The following S100Z variants were observed in gnomAD, a reference collection of about 807,000 sequenced individuals.
S100Z encodes S100 calcium binding protein Z.
Under a neutral mutation model 8.5 loss-of-function variants are expected in S100Z, and 11 were observed. That is an observed-to-expected ratio of 1.30 (90% CI 0.82 to 2.15). S100Z has a LOEUF of 2.15. Among genes scored for constraint, S100Z ranks in the 30% most tolerant of loss-of-function variants. S100Z has a pLI of 0.00. For missense variants in S100Z, 126 were observed against 117.9 expected (o/e 1.07, Z -0.32); for synonymous variants, 34 against 43.8 (o/e 0.78, Z 0.89).
intron 1 of S100Z, among the ~76,000 whole-genome samples, chr5:76,859,828 C>T (rs1369710377): frequency 2.0e-5 from 3 of 149,296 alleles, no homozygotes; most frequent in Non-Finnish European, 4.5e-5. Context: ...GAGGCGAACT[C>T]CCAACTCCAG....
intron 4 of S100Z, among the ~76,000 whole-genome samples, chr5:76,897,964 T>C (rs1744098818): frequency 6.6e-6 from 1 of 152,202 alleles, no homozygotes; most frequent in Admixed American, 6.5e-5. Context: ...CCAATTTGAA[T>C]GCCCTTTATA....
chr5:76,948,325 CTAAATAAA>C, the S100Z span, among the ~76,000 whole-genome samples: 7 of 147,756 alleles, frequency 4.7e-5, no homozygotes, highest in Non-Finnish European at 1.0e-4. Context: ...GACTCTGTCT[CTAAATAAA>C]TAAATAAATA....
At chr5:76,906,972 G>GTATA (rs1744447479) in intron 4 of S100Z, among the ~76,000 whole-genome samples, 2 of 30,410 alleles carry the variant, frequency 6.6e-5, no homozygotes, top group Admixed American at 4.5e-4. Flanking sequence ...TCCATTGTGT[G>GTATA]TGTGTATATA....
intron 4 of S100Z, among the ~76,000 whole-genome samples, chr5:76,888,569 G>A (rs2150658179): frequency 6.6e-6 from 1 of 151,764 alleles, no homozygotes; most frequent in South Asian, 2.1e-4. Flanking sequence ...GTAGAGACGA[G>A]GTTTCACCGT....
intron 4 of S100Z, among the ~76,000 whole-genome samples, chr5:76,891,772 A>C (rs1188981644): frequency 6.6e-6 from 1 of 152,058 alleles, no homozygotes; most frequent in African/African-American, 2.4e-5. Flanking sequence ...GGTGCAGGGG[A>C]AGAGGAGAGA....
At chr5:76,899,942 A>C (rs1402185172) in intron 4 of S100Z, among the ~76,000 whole-genome samples, 2 of 152,198 alleles carry the variant, frequency 1.3e-5, no homozygotes, top group African/African-American at 4.8e-5. Context: ...GTATTAATGA[A>C]ATCCCCCAGC....
At chr5:76,866,229 C>T (rs1742725525) in intron 1 of S100Z, among the ~76,000 whole-genome samples, 1 of 151,590 alleles carries the variant, frequency 6.6e-6, no homozygotes, top group South Asian at 2.1e-4. Context: ...GGACTACAGG[C>T]ATGCGCCACC....
the S100Z span, among the ~76,000 whole-genome samples, chr5:76,950,189 G>A: frequency 1.3e-5 from 2 of 152,198 alleles, no homozygotes; most frequent in South Asian, 2.1e-4. Context: ...GCATGGATTA[G>A]TGATGTTCTA....
At chr5:76,859,151 T>C (rs1033592066) in intron 1 of S100Z, among the ~76,000 whole-genome samples, 1 of 152,102 alleles carries the variant, frequency 6.6e-6, no homozygotes, top group Admixed American at 6.6e-5. Context: ...TGAAAGATTA[T>C]TAAATTATAG....
At chr5:76,946,572 TA>T in the S100Z span, among the ~76,000 whole-genome samples, 1 of 152,170 alleles carries the variant, frequency 6.6e-6, no homozygotes, top group Non-Finnish European at 1.5e-5. Context: ...CTGTGGCTTT[TA>T]AAGTCTGTTA....
At chr5:76,868,483 A>G (rs1334659482) in intron 1 of S100Z, among the ~76,000 whole-genome samples, 1 of 150,264 alleles carries the variant, frequency 6.7e-6, no homozygotes, top group Non-Finnish European at 1.5e-5. Flanking sequence ...TTCTCCGAGT[A>G]AATTATTTTA....
At chr5:76,900,108 G>A (rs1302093801) in intron 4 of S100Z, among the ~76,000 whole-genome samples, 3 of 152,142 alleles carry the variant, frequency 2.0e-5, no homozygotes, top group Non-Finnish European at 2.9e-5. Context: ...GCTGTCAGAT[G>A]TATTGGAGCT....
At chr5:76,866,590 T>C (rs1742741595) in intron 1 of S100Z, among the ~76,000 whole-genome samples, 1 of 152,214 alleles carries the variant, frequency 6.6e-6, no homozygotes, top group South Asian at 2.1e-4. Context: ...TTATCTTTTA[T>C]ACATATTTTT....
intron 4 of S100Z, among the ~76,000 whole-genome samples, chr5:76,901,182 C>T (rs1412339114): frequency 6.6e-6 from 1 of 152,210 alleles, no homozygotes; most frequent in Non-Finnish European, 1.5e-5. Context: ...AACCTGAAGC[C>T]AGCATAGCAC....
At chr5:76,859,877 C>T (rs1004467615) in intron 1 of S100Z, among the ~76,000 whole-genome samples, 3 of 152,008 alleles carry the variant, frequency 2.0e-5, no homozygotes, top group Non-Finnish European at 2.9e-5. Context: ...CACAATTAGC[C>T]TCTGCAACTC....
downstream of S100Z, among the ~76,000 whole-genome samples, chr5:76,923,520 T>TG (rs1188782440): frequency 6.6e-6 from 1 of 151,916 alleles, no homozygotes; most frequent in Non-Finnish European, 1.5e-5. Context: ...GCCACCCCAA[T>TG]GGGGGAGGGC....
chr5:76,914,718 G>A (rs530437014), intron 4 of S100Z, among the ~76,000 whole-genome samples: 4 of 151,824 alleles, frequency 2.6e-5, no homozygotes, highest in South Asian at 4.2e-4. Flanking sequence ...CACTCACCGC[G>A]AAGGTCTGCA....
At chr5:76,859,768 C>CAAAAAAAAAAA (rs70982653) in intron 1 of S100Z, among the ~76,000 whole-genome samples, 17,971 of 95,626 alleles carry the variant, frequency 0.19, 1,560 homozygotes, top group South Asian at 0.34. Flanking sequence ...GCAACAGAGC[C>CAAAAAAAAAAA]AAAAAAAAAA....
At chr5:76,869,464 A>C (rs988337686) in intron 1 of S100Z, among the ~76,000 whole-genome samples, 1 of 152,150 alleles carries the variant, frequency 6.6e-6, no homozygotes, top group Admixed American at 6.6e-5. Context: ...TGTGCTCAGA[A>C]CCTGCAAAGG....
Sources: allele counts gnomAD v4.1 joint callset (sites outside exome capture counted in the v4.1 genomes callset), GRCh38; gene constraint gnomAD v4.1.1; transcripts MANE v1.5; gene names NCBI Gene and HGNC (gene_info 2026-07-23, HGNC 2026-07-21).